Variants in MCPH1 observed in about 807,000 individuals in gnomAD.
MCPH1 encodes microcephalin 1.
MCPH1 carries 104 observed loss-of-function variants against 84.5 expected under a neutral mutation model. The ratio of observed to expected loss-of-function variants is 1.23; its 90% confidence interval spans 1.05 to 1.45. MCPH1 has a LOEUF of 1.45. Among genes scored for constraint, MCPH1 ranks in the 40% most tolerant of loss-of-function variants. MCPH1 has a pLI of 0.00. For synonymous variants in MCPH1, 514 were observed against 366.8 expected (o/e 1.40, Z -4.58); for missense variants, 1,498 against 1,005.7 (o/e 1.49, Z -6.62).
In MCPH1 at chr8:6,444,417, A is replaced by G. The variant is rs1803956683; in HGVS notation, c.695A>G (p.His232Arg). The G allele has an allele frequency of 4.3e-6, 7 of 1,614,186 alleles. No homozygotes were observed. In the South Asian group the frequency reaches 7.7e-5, roughly 18 times the overall value. Residue 232 changes from histidine to arginine, a missense_variant, in exon 8 of 14, where the codon CAC becomes CGC. Physicochemically the swap from His to Arg is conservative, Grantham distance 29. Coordinates refer to ENST00000344683, the MANE Select transcript of MCPH1 (RefSeq NM_024596.5). ...GATGAATACTTTGCTGGTGGCTTAC[A>G]CTCATCTTTTGATGATCTTTGTGGA... ...CSDEYFAGGL[H>R]SSFDDLCGNS...
intron 12 of MCPH1, among the ~76,000 whole-genome samples, chr8:6,597,513 A>G (rs1829021806): frequency 6.6e-6 from 1 of 152,040 alleles, no homozygotes; most frequent in South Asian, 2.1e-4. Flanking sequence ...AAGACAACAA[A>G]CAGCCCCAGG....
intron 9 of MCPH1, among the ~76,000 whole-genome samples, chr8:6,472,602 G>C (rs766102860): frequency 6.6e-6 from 1 of 151,952 alleles, no homozygotes; most frequent in Non-Finnish European, 1.5e-5. Flanking sequence ...AAGTAGCTGG[G>C]ATTACAGGTG....
At chr8:6,459,378 C>G (rs984723319) in intron 9 of MCPH1, among the ~76,000 whole-genome samples, 7 of 152,100 alleles carry the variant, frequency 4.6e-5, no homozygotes, top group Non-Finnish European at 1.0e-4. Context: ...CGGGTTCAAG[C>G]GATTCTGCTG....
At chr8:6,515,509 A>G (rs1490219879) in intron 12 of MCPH1, among the ~76,000 whole-genome samples, 1 of 152,154 alleles carries the variant, frequency 6.6e-6, no homozygotes, top group African/African-American at 2.4e-5. Flanking sequence ...TCTGCTCTTA[A>G]ACTGGCTCTG....
intron 12 of MCPH1, among the ~76,000 whole-genome samples, chr8:6,588,326 T>C (rs1242457732): frequency 1.4e-5 from 2 of 145,086 alleles, no homozygotes; most frequent in African/African-American, 2.6e-5. Flanking sequence ...GCAAGAACTA[T>C]ACATTCACTT....
intron 13 of MCPH1, among the ~76,000 whole-genome samples, chr8:6,624,488 C>T (rs1831853294): frequency 6.6e-6 from 1 of 152,194 alleles, no homozygotes; most frequent in Non-Finnish European, 1.5e-5. Flanking sequence ...CCTCTCCAGC[C>T]CACACTCTCT....
At chr8:6,601,547 C>T (rs75163362) in intron 12 of MCPH1, among the ~76,000 whole-genome samples, 1 of 86,594 alleles carries the variant, frequency 1.2e-5, no homozygotes, top group African/African-American at 3.6e-5. Flanking sequence ...ACACACACAC[C>T]CCTACGCACA....
At chr8:6,476,806 A>C (rs1194430432) in intron 9 of MCPH1, among the ~76,000 whole-genome samples, 3 of 152,196 alleles carry the variant, frequency 2.0e-5, no homozygotes, top group East Asian at 3.8e-4. Context: ...ATTTCATGTA[A>C]ATTACAAAAG....
At chr8:6,421,033 C>T (rs75404256) in intron 3 of MCPH1, among the ~76,000 whole-genome samples, 1 of 152,306 alleles carries the variant, frequency 6.6e-6, no homozygotes, top group East Asian at 1.9e-4. Context: ...TTTGTAGGCT[C>T]GCCCTTTTCC....
intron 12 of MCPH1, chr8:6,527,608 T>C: frequency 6.2e-7 from 1 of 1,614,116 alleles, no homozygotes; most frequent in Non-Finnish European, 8.5e-7. Flanking sequence ...AAATCTGTTT[T>C]TCCAATTTGT....
Position 6,480,827 on chromosome 8 carries a change from A to G in MCPH1, c.2087A>G (p.Asn696Ser). ...TCCGGGAAGCCACTTCGCACCCTGA[A>G]TGTGCTGCTGGGAATTGCGCGTGGC... ...VLSGKPLRTL[N>S]VLLGIARGCW... The change falls in exon 11 of 14, where the codon AAT (asparagine) becomes AGT (serine). Residue 696 changes from asparagine to serine, a missense_variant. By Grantham distance (46) the Asn-to-Ser change is conservative. Transcript: ENST00000344683. The G allele has an allele frequency of 5.6e-6, 9 of 1,614,186 alleles. No individual in the cohort carries two copies. The highest frequency in any genetic ancestry group is 2.2e-5 in the South Asian group (2 of 91,086).
At chr8:6,593,765 A>G (rs1828701451) in intron 12 of MCPH1, among the ~76,000 whole-genome samples, 1 of 152,232 alleles carries the variant, frequency 6.6e-6, no homozygotes, top group South Asian at 2.1e-4. Flanking sequence ...TAATGAGGTC[A>G]TGTTATAAAA....
At chr8:6,580,083 C>T (rs946867376) in intron 12 of MCPH1, among the ~76,000 whole-genome samples, 2 of 152,138 alleles carry the variant, frequency 1.3e-5, no homozygotes, top group African/African-American at 4.8e-5. Flanking sequence ...CTGCCTGTTC[C>T]CTAGAATCCA....
intron 12 of MCPH1, among the ~76,000 whole-genome samples, chr8:6,611,840 G>A (rs540855338): frequency 3.3e-5 from 5 of 152,140 alleles, no homozygotes; most frequent in East Asian, 3.9e-4. Context: ...GGATGGTCTC[G>A]GTCTCCTGAC....
chr8:6,576,047 TTA>T (rs386411989), intron 12 of MCPH1, among the ~76,000 whole-genome samples: 89,713 of 138,052 alleles, frequency 0.65, 32,038 homozygotes, highest in Non-Finnish European at 0.78. Flanking sequence ...TAATACAGCC[TTA>T]AAAAAAAAAA....
chr8:6,481,140 G>A (rs559912568), intron 11 of MCPH1, among the ~76,000 whole-genome samples: 1 of 152,278 alleles, frequency 6.6e-6, no homozygotes, highest in Admixed American at 6.5e-5. Flanking sequence ...GCAGAAGCAA[G>A]ATTACAAAGA....
chr8:6,566,868 G>C (rs1230701803), intron 12 of MCPH1, among the ~76,000 whole-genome samples: 1 of 150,762 alleles, frequency 6.6e-6, no homozygotes, highest in Non-Finnish European at 1.5e-5. Flanking sequence ...GATCAGCAAG[G>C]CCATGGATAG....
intron 12 of MCPH1, among the ~76,000 whole-genome samples, chr8:6,565,896 G>A (rs1023483641): frequency 2.6e-5 from 4 of 152,208 alleles, no homozygotes; most frequent in South Asian, 2.1e-4. Flanking sequence ...TTCCGAACAT[G>A]GAAGGAACAG....
At chr8:6,538,220 A>T (rs1244982926) in intron 12 of MCPH1, among the ~76,000 whole-genome samples, 1 of 152,040 alleles carries the variant, frequency 6.6e-6, no homozygotes, top group African/African-American at 2.4e-5. Context: ...CCTTGGAAAC[A>T]TTTTACTGTT....
Sources: gnomAD v4.1 joint callset for allele counts (sites outside exome capture counted in the v4.1 genomes callset) on GRCh38, gnomAD v4.1.1 for gene constraint, MANE v1.5 for transcripts, NCBI Gene and HGNC (gene_info 2026-07-23, HGNC 2026-07-21) for gene names.